PRKN: variants seen among roughly 807,000 people sequenced by gnomAD.
PRKN encodes the protein parkin RBR E3 ubiquitin protein ligase.
Under a neutral mutation model 59.5 loss-of-function variants are expected in PRKN, and 56 were observed. The observed-to-expected ratio is 0.94, with a 90% CI of 0.76 to 1.18. PRKN has a LOEUF of 1.18. Among genes scored for constraint, PRKN ranks in the 50% most tolerant of loss-of-function variants. PRKN has a pLI of 0.00. For missense variants in PRKN, 657 were observed against 596.4 expected, an observed-to-expected ratio of 1.10 and a Z score of -1.06; for synonymous variants, 250 against 222.1, an observed-to-expected ratio of 1.13 and a Z score of -1.12.
intron 1 of PRKN, among the ~76,000 whole-genome samples, chr6:162,649,649 A>C (rs965841255): frequency 2.0e-5 from 3 of 151,764 alleles, no homozygotes; most frequent in Non-Finnish European, 2.9e-5. Flanking sequence ...ACAGTGCAAT[A>C]CTCTGTCTCA....
At chr6:162,436,926 T>C (rs1789800384) in intron 2 of PRKN, among the ~76,000 whole-genome samples, 2 of 151,840 alleles carry the variant, frequency 1.3e-5, no homozygotes, top group East Asian at 3.9e-4. Context: ...ACCCCGTCTC[T>C]ACTAAAAACA....
rs1336369581 is a variant in PRKN, at chr6:161,451,534, C to T, written c.1084-64657G>A. 6.6e-6 allele frequency among the ~76,000 whole-genome samples: 1 copy of T among 152,230 alleles called. No homozygotes were observed. Among genetic ancestry groups the T allele is most frequent in the Non-Finnish European group, 1.5e-5 (1 of 68,046 alleles). ...CCCACCTGAGGGAACCTGCTGCCCA[C>T]AGCCTCTGCTCCCAGAGGGACCTAC... On this transcript the variant is annotated intron_variant, in intron 9 of 11. Transcript: ENST00000366898. The surrounding 1 kb of genome is among the most constrained non-coding windows in gnomAD (Gnocchi z 5.9).
At chr6:162,526,271 G>A (rs2846506) in intron 1 of PRKN, among the ~76,000 whole-genome samples, 144,813 of 145,112 alleles carry the variant, frequency 1, 72,257 homozygotes, top group Non-Finnish European at 1. Flanking sequence ...AAGGCTAAGG[G>A]AAAAAAAAAA....
intron 2 of PRKN, among the ~76,000 whole-genome samples, chr6:162,285,291 T>TC (rs1554295524): frequency 2.4e-4 from 34 of 140,712 alleles, no homozygotes; most frequent in African/African-American, 8.9e-4. Flanking sequence ...TTTTTTTTTT[T>TC]CCGAGAGGGC....
chr6:162,093,160 C>T (rs1011388035), intron 4 of PRKN, among the ~76,000 whole-genome samples: 8 of 152,188 alleles, frequency 5.3e-5, no homozygotes, highest in African/African-American at 1.7e-4. Flanking sequence ...CCAGAAAATA[C>T]GCAACTCCAT....
intron 6 of PRKN, among the ~76,000 whole-genome samples, chr6:161,930,371 G>A (rs1467048201): frequency 1.3e-5 from 2 of 152,234 alleles, no homozygotes; most frequent in South Asian, 2.1e-4. Context: ...TAGGAGTGAT[G>A]TATGATGTGC....
chr6:162,037,040 T>C (rs1480310779), intron 5 of PRKN, among the ~76,000 whole-genome samples: 1 of 152,190 alleles, frequency 6.6e-6, no homozygotes, highest in Non-Finnish European at 1.5e-5. Context: ...GTAACCATAC[T>C]GACATGTAGT....
chr6:162,420,468 G>C (rs2128159197), intron 2 of PRKN, among the ~76,000 whole-genome samples: 1 of 152,246 alleles, frequency 6.6e-6, no homozygotes, highest in Non-Finnish European at 1.5e-5. Context: ...GCCCTGGAGA[G>C]CTGCTAACAG....
intron 2 of PRKN, among the ~76,000 whole-genome samples, chr6:162,276,299 A>G (rs1331615785): frequency 6.6e-6 from 1 of 152,162 alleles, no homozygotes; most frequent in Non-Finnish European, 1.5e-5. Context: ...ATTTTAGACT[A>G]CATTATATAC....
At chr6:162,540,564 C>G (rs1009581359) in intron 1 of PRKN, among the ~76,000 whole-genome samples, 1 of 151,954 alleles carries the variant, frequency 6.6e-6, no homozygotes, top group African/African-American at 2.4e-5. Context: ...GCCCAGCACT[C>G]AGGGAGGCTG....
chr6:161,667,197 C>T (rs1784756968), intron 7 of PRKN, among the ~76,000 whole-genome samples: 1 of 152,152 alleles, frequency 6.6e-6, no homozygotes, highest in African/African-American at 2.4e-5. Context: ...TAGCCGTCAT[C>T]ATTATTACCC....
intron 6 of PRKN, among the ~76,000 whole-genome samples, chr6:161,867,500 C>A (rs972935180): frequency 1.3e-5 from 2 of 152,152 alleles, no homozygotes; most frequent in Non-Finnish European, 1.5e-5. Flanking sequence ...GTGTGCTGAC[C>A]TCTCACCTTG....
chr6:162,502,908 T>C (rs945955332), intron 1 of PRKN, among the ~76,000 whole-genome samples: 1 of 152,106 alleles, frequency 6.6e-6, no homozygotes, highest in Non-Finnish European at 1.5e-5. Context: ...TATTCTGTGT[T>C]ACATAATTTT....
At chr6:161,495,067 A>ACC (rs1412427109) in intron 9 of PRKN, among the ~76,000 whole-genome samples, 2 of 152,220 alleles carry the variant, frequency 1.3e-5, no homozygotes, top group African/African-American at 4.8e-5. Context: ...AGTGATTTTG[A>ACC]TAATATATTT....
chr6:162,185,058 T>C (rs997052660), intron 4 of PRKN, among the ~76,000 whole-genome samples: 1 of 152,164 alleles, frequency 6.6e-6, no homozygotes, highest in Non-Finnish European at 1.5e-5. Flanking sequence ...GTGGCATCGT[T>C]ATGAAACTTG....
At chr6:162,525,665 T>C (rs2846508) in intron 1 of PRKN, among the ~76,000 whole-genome samples, 107,270 of 151,960 alleles carry the variant, frequency 0.71, 39,288 homozygotes, top group Non-Finnish European at 0.81. Flanking sequence ...TCAGAGATTT[T>C]GGCCAATTTT....
intron 7 of PRKN, among the ~76,000 whole-genome samples, chr6:161,709,371 CAATT>C (rs1236972689): frequency 6.6e-6 from 1 of 152,136 alleles, no homozygotes; most frequent in East Asian, 1.9e-4. Context: ...TTATCAGACT[CAATT>C]AATTTTATAT....
chr6:161,787,642 C>T (rs1197529177), intron 6 of PRKN, among the ~76,000 whole-genome samples: 1 of 152,110 alleles, frequency 6.6e-6, no homozygotes, highest in East Asian at 1.9e-4. Context: ...CTGTATATAA[C>T]AAAGTTAAAA....
At chr6:162,694,668 TAAG>T (rs1192771356) in intron 1 of PRKN, 4 of 152,234 alleles carry the variant, frequency 2.6e-5, no homozygotes, top group Non-Finnish European at 5.9e-5. Context: ...CTTTCATACT[TAAG>T]AAAGAATCAG....
Sources: gnomAD v4.1 joint callset for allele counts (sites outside exome capture counted in the v4.1 genomes callset) on GRCh38, gnomAD v4.1.1 for gene constraint, Gnocchi (gnomAD v3.1) non-coding constraint, MANE v1.5 for transcripts, NCBI Gene and HGNC (gene_info 2026-07-23, HGNC 2026-07-21) for gene names.